The following MAML3 variants were observed in gnomAD, a reference collection of about 807,000 sequenced individuals.
MAML3 encodes the protein mastermind like transcriptional coactivator 3, also known as mastermind-like protein 3.
MAML3 carries 27 observed loss-of-function variants against 101.9 expected under a neutral mutation model. The observed-to-expected ratio is 0.27, with a 90% CI of 0.20 to 0.37. MAML3 has a LOEUF of 0.37. Ranked by LOEUF, MAML3 falls within the 10% of genes least tolerant of loss-of-function variation. The pLI, the probability that MAML3 is intolerant of heterozygous loss-of-function variation, is 1.00. For synonymous variants in MAML3, 501 were observed against 555.9 expected (o/e 0.90, Z 1.39); for missense variants, 1,316 against 1,444.9 (o/e 0.91, Z 1.45).
intron 1 of MAML3, among the ~76,000 whole-genome samples, chr4:140,105,878 C>T (rs58954606): frequency 6.6e-6 from 1 of 152,172 alleles, no homozygotes; most frequent in East Asian, 1.9e-4. Flanking sequence ...GAAAACATTT[C>T]TATCCTTAAA....
intron 1 of MAML3, among the ~76,000 whole-genome samples, chr4:139,900,370 G>A (rs1732693669): frequency 6.6e-6 from 1 of 152,156 alleles, no homozygotes; most frequent in Admixed American, 6.5e-5. Context: ...GCTTAAACAT[G>A]TAATAAGTAC....
At chr4:140,020,293 G>C (rs1240525524) in intron 1 of MAML3, among the ~76,000 whole-genome samples, 5 of 152,104 alleles carry the variant, frequency 3.3e-5, no homozygotes, top group African/African-American at 1.2e-4. Flanking sequence ...TTTCTAGGTG[G>C]GGGTGGCAGA....
chr4:140,086,741 T>C (rs1195468034), intron 1 of MAML3, among the ~76,000 whole-genome samples: 2 of 152,098 alleles, frequency 1.3e-5, no homozygotes, highest in Non-Finnish European at 2.9e-5. Context: ...ACCATGAACA[T>C]TAAACCATTT....
rs772444177 is a variant in MAML3 at position 140,152,952 on chromosome 4, C to T, written c.376G>A (p.Gly126Ser). Residue 126 changes from glycine (G) to serine (S), a missense_variant, in exon 1 of 5, where the codon GGC becomes AGC. Physicochemically the swap from Gly to Ser is moderately conservative, Grantham distance 56 (BLOSUM62 0). Coordinates refer to ENST00000509479, the MANE Select transcript of MAML3 (RefSeq NM_018717.5). Reference protein sequence around the residue: ...RTLEQRAKKSGAGTGKQQHPS... With the variant: ...RTLEQRAKKSSAGTGKQQHPS... ...TGCTGCTGTTTGCCGGTGCCGGCGCCCGATTTCTTGGCCCTCTGCTCCAGG... is the reference window on the plus strand; with the variant it reads ...TGCTGCTGTTTGCCGGTGCCGGCGCTCGATTTCTTGGCCCTCTGCTCCAGG... 1 of 1,612,298 alleles carries T rather than the reference C, an allele frequency of 6.2e-7. No individual in the cohort carries two copies. The highest frequency in any genetic ancestry group is 1.7e-5 in the Admixed American group (1 of 59,882).
intron 1 of MAML3, among the ~76,000 whole-genome samples, chr4:140,098,311 C>A (rs1728194555): frequency 1.3e-5 from 2 of 152,158 alleles, no homozygotes; most frequent in African/African-American, 4.8e-5. Flanking sequence ...TTTCTCTAGA[C>A]CTTGTTTTCT....
intron 2 of MAML3, among the ~76,000 whole-genome samples, chr4:139,872,369 G>C (rs1288066373): frequency 6.6e-6 from 1 of 152,166 alleles, no homozygotes; most frequent in Admixed American, 6.5e-5. Flanking sequence ...TATTTGAATG[G>C]GAAATGGAAA....
chr4:139,910,476 A>C (rs928164991), intron 1 of MAML3, among the ~76,000 whole-genome samples: 3 of 152,102 alleles, frequency 2.0e-5, no homozygotes, highest in Non-Finnish European at 4.4e-5. Context: ...ATTCAAATTT[A>C]TTTAAATACT....
At chr4:140,112,501 G>A (rs1298412963) in intron 1 of MAML3, among the ~76,000 whole-genome samples, 1 of 152,228 alleles carries the variant, frequency 6.6e-6, no homozygotes, top group Non-Finnish European at 1.5e-5. Context: ...CTTTTTCCAT[G>A]TGCTCACTTG....
At position 140,023,499 on chromosome 4, in the gene MAML3, A is replaced by C. The variant is rs575819590; in HGVS notation, c.468+129361T>G. On this transcript the variant is annotated intron_variant, in intron 1 of 4. Transcript: ENST00000509479. ...TACACATCTTCACATTCAGTCCTTTATGCCCAAGCGAAGTACTCACATTGC... is the reference window on the plus strand; with the variant it reads ...TACACATCTTCACATTCAGTCCTTTCTGCCCAAGCGAAGTACTCACATTGC... 2.6e-5 allele frequency among the ~76,000 whole-genome samples: 4 copies of C among 152,306 alleles called. No individual in the cohort carries two copies. The South Asian group carries it at 8.3e-4, about 32-fold the overall frequency.
At chr4:139,931,009 G>A (rs370725872) in intron 1 of MAML3, among the ~76,000 whole-genome samples, 1 of 152,136 alleles carries the variant, frequency 6.6e-6, no homozygotes, top group South Asian at 2.1e-4. Context: ...TGGGGGAGAA[G>A]AATTAGAAGC....
chr4:140,040,248 A>T (rs1345699335), intron 1 of MAML3, among the ~76,000 whole-genome samples: 2 of 152,240 alleles, frequency 1.3e-5, no homozygotes, highest in East Asian at 3.8e-4. Flanking sequence ...TGTTGAGAGC[A>T]GCTCCAATCA....
intron 2 of MAML3, among the ~76,000 whole-genome samples, chr4:139,826,998 C>T (rs1731073035): frequency 6.6e-6 from 1 of 152,042 alleles, no homozygotes; most frequent in South Asian, 2.1e-4. Flanking sequence ...GCCAGAAGTT[C>T]TAGGTAAAAA....
chr4:139,882,392 T>C (rs1204286093), intron 2 of MAML3, among the ~76,000 whole-genome samples: 1 of 150,928 alleles, frequency 6.6e-6, no homozygotes, highest in African/African-American at 2.4e-5. Flanking sequence ...TGTATCATCA[T>C]GAAATTTCAG....
At chr4:139,731,984 T>C (rs1299376062) in intron 2 of MAML3, among the ~76,000 whole-genome samples, 1 of 152,232 alleles carries the variant, frequency 6.6e-6, no homozygotes, top group Admixed American at 6.5e-5. Flanking sequence ...CAGAAATTCC[T>C]TCTACCTCAC....
At chr4:139,902,662 T>C (rs1367006374) in intron 1 of MAML3, among the ~76,000 whole-genome samples, 2 of 152,066 alleles carry the variant, frequency 1.3e-5, no homozygotes, top group South Asian at 2.1e-4. Flanking sequence ...ACAGCAGAGC[T>C]CTGGAGCCTG....
At chr4:139,737,037 T>C (rs1226075216) in intron 2 of MAML3, among the ~76,000 whole-genome samples, 1 of 152,200 alleles carries the variant, frequency 6.6e-6, no homozygotes, top group Non-Finnish European at 1.5e-5. Flanking sequence ...CAGGACGGAC[T>C]ACTCCAGTTG....
rs769393418 is a variant in MAML3 at position 139,980,879 on chromosome 4, C to T, written c.469-89912G>A. On this transcript the variant is annotated intron_variant, in intron 1 of 4. Coordinates refer to ENST00000509479, the MANE Select transcript of MAML3 (RefSeq NM_018717.5). ...CTCAGAGAAGTAAAATAAGCTACTGCGGTAGAGAATTGTGTAGCCAGAGAA... is the reference window on the plus strand; with the variant it reads ...CTCAGAGAAGTAAAATAAGCTACTGTGGTAGAGAATTGTGTAGCCAGAGAA... Among the ~76,000 whole-genome samples the T allele has an allele frequency of 6.6e-5, 10 of 152,194 alleles. No individual in the cohort carries two copies. In the South Asian group the frequency reaches 1.0e-3, roughly 16 times the overall value.
Position 139,890,595 on chromosome 4 carries a change from C to G in MAML3, c.841G>C (p.Asp281His). The G allele has an allele frequency of 1.2e-6, 2 of 1,613,992 alleles. No homozygotes were observed. The highest frequency in any genetic ancestry group is 1.7e-6 in the Non-Finnish European group (2 of 1,179,888). Residue 281 changes from aspartate (D) to histidine (H), a missense_variant, in exon 2 of 5, where the codon GAC becomes CAC. Transcript: ENST00000509479. The surrounding 1 kb of genome is among the most constrained non-coding windows in gnomAD (Gnocchi z 4.1). ...TCTGATGTGTCTATGCAAGTAGGGT[C>G]ATCGAGAGGTTCTTGTTTGAGGTCT... is the stretch of plus-strand genomic sequence containing the variant. ...SKDLKQEPLDDPTCIDTSETS... is the reference protein window; with the variant it reads ...SKDLKQEPLDHPTCIDTSETS...
chr4:139,777,145 G>T (rs1730110340), intron 2 of MAML3, among the ~76,000 whole-genome samples: 1 of 152,178 alleles, frequency 6.6e-6, no homozygotes, highest in Non-Finnish European at 1.5e-5. Flanking sequence ...CCCTGGAAAA[G>T]CTGACGGTTC....
Sources: allele counts gnomAD v4.1 joint callset (sites outside exome capture counted in the v4.1 genomes callset), GRCh38; gene constraint gnomAD v4.1.1; non-coding constraint Gnocchi (gnomAD v3.1); transcripts MANE v1.5; gene names NCBI Gene and HGNC (gene_info 2026-07-23, HGNC 2026-07-21).